The following TMEM114 variants were observed in gnomAD, a reference collection of about 807,000 sequenced individuals.
TMEM114 encodes transmembrane protein 114, also known as claudin-26.
Under a neutral mutation model 6.2 loss-of-function variants are expected in TMEM114, and 6 were observed. The observed-to-expected ratio is 0.97, with a 90% CI of 0.53 to 1.91. TMEM114 has a LOEUF of 1.91. TMEM114 is among the 40% of genes most tolerant of loss of function. The pLI, the probability that TMEM114 is intolerant of heterozygous loss-of-function variation, is 0.01. For missense variants in TMEM114, 218 were observed against 158.3 expected (o/e 1.38, Z -2.02); for synonymous variants, 104 against 73.0 (o/e 1.42, Z -2.16).
the TMEM114 span, among the ~76,000 whole-genome samples, chr16:8,527,494 A>G: frequency 6.6e-6 from 1 of 152,158 alleles, no homozygotes; most frequent in Non-Finnish European, 1.5e-5. Context: ...TGAGCACAAA[A>G]TAAGATAACA....
At chr16:8,553,670 A>T (rs1410618346) in intron 2 of TMEM114, among the ~76,000 whole-genome samples, 1 of 151,794 alleles carries the variant, frequency 6.6e-6, no homozygotes, top group East Asian at 1.9e-4. Context: ...TTTAGTAGAG[A>T]TGGGGCTTCA....
downstream of TMEM114, among the ~76,000 whole-genome samples, chr16:8,533,907 C>T (rs1031352096): frequency 1.3e-5 from 2 of 152,170 alleles, no homozygotes; most frequent in African/African-American, 4.8e-5. Flanking sequence ...AGGATGCAAT[C>T]AGGCATTTCA....
intron 2 of TMEM114, among the ~76,000 whole-genome samples, chr16:8,552,018 T>C (rs1468101942): frequency 5.3e-5 from 8 of 152,136 alleles, no homozygotes; most frequent in Non-Finnish European, 1.0e-4. Flanking sequence ...TTATATAACA[T>C]TCTCAAAATT....
downstream of TMEM114, among the ~76,000 whole-genome samples, chr16:8,534,130 G>T (rs35873011): frequency 6.6e-6 from 1 of 152,060 alleles, no homozygotes; most frequent in East Asian, 1.9e-4. Flanking sequence ...AATATTTATT[G>T]TGCATATTTT....
At chr16:8,567,606 G>A (rs554468566), downstream of TMEM114, among the ~76,000 whole-genome samples, 1 of 152,094 alleles carries the variant, frequency 6.6e-6, no homozygotes, top group Non-Finnish European at 1.5e-5. Flanking sequence ...TGGAGCTGCC[G>A]GTAATACCAC....
chr16:8,544,187 A>G (rs927265748), intron 2 of TMEM114, among the ~76,000 whole-genome samples: 1 of 152,224 alleles, frequency 6.6e-6, no homozygotes, highest in African/African-American at 2.4e-5. Flanking sequence ...AGCTGCAAAG[A>G]CCAAGTAAAG....
At chr16:8,561,880 A>AATGAG (rs1901223784) in intron 2 of TMEM114, among the ~76,000 whole-genome samples, 1 of 139,492 alleles carries the variant, frequency 7.2e-6, no homozygotes, top group African/African-American at 2.7e-5. Context: ...GAGTGAGTGA[A>AATGAG]TGAGTGAGTG....
At chr16:8,545,943 T>C (rs1900652917) in intron 2 of TMEM114, among the ~76,000 whole-genome samples, 1 of 152,066 alleles carries the variant, frequency 6.6e-6, no homozygotes, top group African/African-American at 2.4e-5. Context: ...AGCAAGACCC[T>C]ATCTCTACAG....
chr16:8,588,355 T>A (rs988236181), intron 2 of TMEM114, among the ~76,000 whole-genome samples: 17 of 151,476 alleles, frequency 1.1e-4, no homozygotes, highest in Admixed American at 7.2e-4. Flanking sequence ...CCTCATCAGA[T>A]CCTCCTACAG....
intron 2 of TMEM114, 145 bp from the exon 3 acceptor site, chr16:8,572,369 A>G: frequency 1.3e-6 from 1 of 787,448 alleles, no homozygotes; most frequent in Non-Finnish European, 2.1e-6. Flanking sequence ...ACTGTTTCTG[A>G]TGATGATGAT....
At chr16:8,541,693 G>C (rs1008083753) in intron 2 of TMEM114, among the ~76,000 whole-genome samples, 6 of 152,192 alleles carry the variant, frequency 3.9e-5, no homozygotes, top group African/African-American at 7.2e-5. Flanking sequence ...ACAGCAGTCT[G>C]TTTTAATGAA....
chr16:8,567,835 C>T (rs1027862396), downstream of TMEM114, among the ~76,000 whole-genome samples: 3 of 152,284 alleles, frequency 2.0e-5, no homozygotes, highest in South Asian at 2.1e-4. Flanking sequence ...GCAGAGACCG[C>T]CCTTTCGGTA....
intron 2 of TMEM114, among the ~76,000 whole-genome samples, chr16:8,542,752 T>C (rs999625167): frequency 6.6e-6 from 1 of 152,132 alleles, no homozygotes; most frequent in Admixed American, 6.6e-5. Context: ...GTTAGTGGGT[T>C]ATCTGAGGGA....
At chr16:8,527,867 C>T in the TMEM114 span, among the ~76,000 whole-genome samples, 10 of 152,266 alleles carry the variant, frequency 6.6e-5, no homozygotes, top group Admixed American at 1.3e-4. Flanking sequence ...CTCCTCATCA[C>T]CTAGACTGGG....
chr16:8,532,317 G>A, the TMEM114 span, among the ~76,000 whole-genome samples: 4 of 152,102 alleles, frequency 2.6e-5, no homozygotes, highest in Non-Finnish European at 5.9e-5. Context: ...GTGTAAACTT[G>A]TCCAAGCCAC....
At chr16:8,562,985 G>GAGT (rs1901324920) in intron 2 of TMEM114, among the ~76,000 whole-genome samples, 1 of 59,080 alleles carries the variant, frequency 1.7e-5, no homozygotes, top group Admixed American at 1.7e-4. Flanking sequence ...ATGGAGGGAA[G>GAGT]GAGTGAGTGA....
At chr16:8,530,364 T>C in the TMEM114 span, among the ~76,000 whole-genome samples, 1 of 152,194 alleles carries the variant, frequency 6.6e-6, no homozygotes, top group Non-Finnish European at 1.5e-5. Flanking sequence ...TTTCAGTCTC[T>C]GGGTCTCAGA....
chr16:8,539,148 A>G (rs1206394362), intron 2 of TMEM114, among the ~76,000 whole-genome samples: 2 of 152,150 alleles, frequency 1.3e-5, no homozygotes, highest in South Asian at 2.1e-4. Flanking sequence ...TTGCCATGGA[A>G]CATGTGACCC....
chr16:8,544,337 C>T (rs1481113356), intron 2 of TMEM114, among the ~76,000 whole-genome samples: 1 of 152,184 alleles, frequency 6.6e-6, no homozygotes, highest in Non-Finnish European at 1.5e-5. Context: ...CTGAGCCAGG[C>T]ATCAAGCTGG....
Sources: allele counts gnomAD v4.1 joint callset (sites outside exome capture counted in the v4.1 genomes callset), GRCh38; gene constraint gnomAD v4.1.1; transcripts MANE v1.5; gene names NCBI Gene and HGNC (gene_info 2026-07-23, HGNC 2026-07-21).